The following RELN variants were observed in gnomAD, a reference collection of about 807,000 sequenced individuals.
RELN encodes the protein reelin.
In RELN, 108 loss-of-function variants were observed where a neutral mutation model predicts 427.6. The ratio of observed to expected loss-of-function variants is 0.25; its 90% confidence interval spans 0.22 to 0.30. RELN has a LOEUF of 0.30. Among genes scored for constraint, RELN ranks in the 10% least tolerant of loss-of-function variants. The pLI, the probability that RELN is intolerant of heterozygous loss-of-function variation, is 1.00. For missense variants in RELN, 3,715 were observed against 4,302.8 expected (o/e 0.86, Z 3.82); for synonymous variants, 1,524 against 1,513.4 (o/e 1.01, Z -0.16).
chr7:103,932,084 C>T (rs948174911), intron 1 of RELN, among the ~76,000 whole-genome samples: 1 of 152,164 alleles, frequency 6.6e-6, no homozygotes, highest in African/African-American at 2.4e-5. Context: ...GACACCTGCA[C>T]ACATATGTTC....
chr7:103,582,298 G>T (rs1410239983), intron 28 of RELN, among the ~76,000 whole-genome samples: 1 of 152,164 alleles, frequency 6.6e-6, no homozygotes, highest in African/African-American at 2.4e-5. Flanking sequence ...GTGTTTGTGT[G>T]TTTCTCTGTC....
rs1797168938 is a variant in RELN at position 103,989,183 on chromosome 7, G to A, written c.174C>T (p.Ser58=). The A allele has an allele frequency of 1.2e-6, 2 of 1,614,118 alleles. No individual in the cohort carries two copies. The highest frequency in any genetic ancestry group is 1.7e-6 in the Non-Finnish European group (2 of 1,180,006). Residue 58 remains serine (S), a synonymous_variant, in exon 1 of 65, where the codon TCC becomes TCT. Coordinates refer to ENST00000428762, the MANE Select transcript of RELN (RefSeq NM_005045.4). The surrounding 1 kb of genome is among the most constrained non-coding windows in gnomAD (Gnocchi z 4.9). ...AGGTGGGGTTGCCCGCAATATGCAG[G>A]GAAATGAGCACCTCGCCCTGCTCCC... ...GDGEQGEVLI[S]LHIAGNPTYY...
intron 1 of RELN, among the ~76,000 whole-genome samples, chr7:103,943,111 G>T (rs569049193): frequency 6.6e-6 from 1 of 152,136 alleles, no homozygotes; most frequent in Non-Finnish European, 1.5e-5. Flanking sequence ...CTTCTAAATT[G>T]AATACAATAA....
chr7:103,571,909 C>T (rs548430483), intron 31 of RELN, among the ~76,000 whole-genome samples: 8 of 152,060 alleles, frequency 5.3e-5, no homozygotes, highest in South Asian at 2.1e-4. Context: ...TGCCTCCCTG[C>T]GGATAGTATA....
chr7:103,564,962 T>C (rs1280790829), intron 34 of RELN, among the ~76,000 whole-genome samples: 3 of 152,228 alleles, frequency 2.0e-5, no homozygotes, highest in Non-Finnish European at 4.4e-5. Flanking sequence ...TAATTTCACA[T>C]ACTGTTTTGT....
At chr7:103,901,529 T>C (rs2116621067) in intron 2 of RELN, among the ~76,000 whole-genome samples, 1 of 152,100 alleles carries the variant, frequency 6.6e-6, no homozygotes. Flanking sequence ...TGAATGGATA[T>C]AAAATATGGA....
At chr7:103,707,540 C>T (rs1834231494) in intron 8 of RELN, among the ~76,000 whole-genome samples, 1 of 150,862 alleles carries the variant, frequency 6.6e-6, no homozygotes, top group Non-Finnish European at 1.5e-5. Flanking sequence ...CGCTCTGTCG[C>T]CAGGCTGGAG....
chr7:103,535,805 A>G (rs912055253), intron 45 of RELN, among the ~76,000 whole-genome samples: 1 of 152,192 alleles, frequency 6.6e-6, no homozygotes, highest in East Asian at 1.9e-4. Flanking sequence ...TGCTTCACAT[A>G]CAGTTACATT....
intron 7 of RELN, among the ~76,000 whole-genome samples, chr7:103,723,510 C>T (rs560270625): frequency 1.3e-5 from 2 of 152,274 alleles, no homozygotes; most frequent in East Asian, 1.9e-4. Context: ...AGCTCCTCTC[C>T]ACTCATTCCA....
intron 11 of RELN, among the ~76,000 whole-genome samples, chr7:103,671,063 G>C (rs1027364979): frequency 6.6e-6 from 1 of 151,942 alleles, no homozygotes; most frequent in Admixed American, 6.6e-5. Flanking sequence ...TCTATATTTG[G>C]GATGGATGCT....
intron 8 of RELN, among the ~76,000 whole-genome samples, chr7:103,708,258 T>G (rs1834248501): frequency 1.3e-5 from 2 of 152,180 alleles, no homozygotes; most frequent in South Asian, 4.1e-4. Context: ...AAGTATCTCT[T>G]ATGTTAGAGG....
intron 10 of RELN, among the ~76,000 whole-genome samples, chr7:103,695,044 A>T (rs1327114381): frequency 6.6e-6 from 1 of 152,142 alleles, no homozygotes; most frequent in Non-Finnish European, 1.5e-5. Context: ...ACAATGTTTT[A>T]AACACACCTC....
At chr7:103,625,225 G>T (rs998668637) in intron 20 of RELN, among the ~76,000 whole-genome samples, 1 of 152,090 alleles carries the variant, frequency 6.6e-6, no homozygotes, top group South Asian at 2.1e-4. Flanking sequence ...TACTTTCTAT[G>T]ATAACATATT....
chr7:103,859,536 GC>G (rs1286341566), intron 2 of RELN, among the ~76,000 whole-genome samples: 1 of 152,058 alleles, frequency 6.6e-6, no homozygotes, highest in Non-Finnish European at 1.5e-5. Flanking sequence ...CTCGTGATCC[GC>G]CCACTTTGAC....
At chr7:103,489,962 C>A in intron 59 of RELN, 63 bp from the exon 60 acceptor site, 1 of 1,590,572 alleles carries the variant, frequency 6.3e-7, no homozygotes, top group Non-Finnish European at 8.6e-7. Context: ...CTGCATCCTG[C>A]CTCCAGCCTC....
intron 3 of RELN, among the ~76,000 whole-genome samples, chr7:103,827,636 A>T (rs1252125488): frequency 6.6e-6 from 1 of 151,992 alleles, no homozygotes; most frequent in Non-Finnish European, 1.5e-5. Context: ...TTTAAATGTG[A>T]TGAAAAACAG....
At chr7:103,503,294 T>C in intron 51 of RELN, 64 bp from the exon 52 acceptor site, 2 of 1,476,310 alleles carry the variant, frequency 1.4e-6, no homozygotes, top group Admixed American at 3.4e-5. Context: ...CTCCAAGGAC[T>C]TGGCAGCAAA....
At chr7:103,616,582 C>T (rs185258338) in intron 20 of RELN, among the ~76,000 whole-genome samples, 79 of 152,158 alleles carry the variant, frequency 5.2e-4, no homozygotes, top group Non-Finnish European at 8.8e-4. Context: ...ATGGGCAATT[C>T]CACCTTCTAG....
At chr7:103,763,566 A>C (rs1791354703) in intron 4 of RELN, among the ~76,000 whole-genome samples, 1 of 152,228 alleles carries the variant, frequency 6.6e-6, no homozygotes, top group South Asian at 2.1e-4. Context: ...TGGATCTTTA[A>C]GGATGAGCGC....
Sources: allele counts gnomAD v4.1 joint callset (sites outside exome capture counted in the v4.1 genomes callset), GRCh38; gene constraint gnomAD v4.1.1; non-coding constraint Gnocchi (gnomAD v3.1); transcripts MANE v1.5; gene names NCBI Gene and HGNC (gene_info 2026-07-23, HGNC 2026-07-21).